The following ANK2 variants were observed in gnomAD, a reference collection of about 807,000 sequenced individuals.
ANK2 encodes ankyrin 2.
A neutral mutation model predicts 360.5 loss-of-function variants in ANK2; 83 were observed. That is an observed-to-expected ratio of 0.23 (90% CI 0.19 to 0.28). The LOEUF (loss-of-function observed/expected upper bound fraction) is 0.28. ANK2 is among the 10% of genes least tolerant of loss of function. The probability of loss-of-function intolerance (pLI) is 1.00; values close to 1 mark genes in which losing one functional copy is unlikely to be tolerated. For missense variants in ANK2, 4,201 were observed against 4,795.7 expected (o/e 0.88, Z 3.66); for synonymous variants, 1,740 against 1,759.5 (o/e 0.99, Z 0.28).
chr4:112,846,536 A>G (rs1251120166), intron 1 of ANK2, among the ~76,000 whole-genome samples: 1 of 151,352 alleles, frequency 6.6e-6, no homozygotes, highest in Non-Finnish European at 1.5e-5. Flanking sequence ...GCCCCATTTT[A>G]TATTCCTAAA....
chr4:113,111,741 A>G (rs1043576480), intron 1 of ANK2, among the ~76,000 whole-genome samples: 1 of 152,358 alleles, frequency 6.6e-6, no homozygotes, highest in East Asian at 1.9e-4. Flanking sequence ...AATATCATTT[A>G]TGAGAAGAAA....
At position 113,356,479 on chromosome 4, in the gene ANK2, T is replaced by C. The variant is rs1463232779; in HGVS notation, c.7861T>C (p.Ser2621Pro). The change falls in exon 38 of 46, where the codon TCT (serine) becomes CCT (proline). Residue 2621 changes from serine to proline, a missense_variant. Physicochemically the swap from Ser to Pro is moderately conservative, Grantham distance 74. This residue lies in a region of ANK2 where 2,642 missense variants were observed against 2,714.5 expected (regional missense o/e 0.97). Coordinates refer to ENST00000357077, the MANE Select transcript of ANK2 (RefSeq NM_001148.6). ...YKKEPKQEES[S>P]SSSDPDADCS... ...AAAAGAACCCAAACAAGAAGAATCT[T>C]CTTCATCTTCTGACCCAGATGCTGA... is the stretch of plus-strand genomic sequence containing the variant. 1 of 1,614,124 alleles carries C rather than the reference T, an allele frequency of 6.2e-7. No homozygotes were observed. Among genetic ancestry groups the C allele is most frequent in the African/African-American group, 1.3e-5 (1 of 75,042 alleles).
intron 1 of ANK2, among the ~76,000 whole-genome samples, chr4:113,111,666 A>G (rs1279607139): frequency 2.0e-5 from 3 of 152,196 alleles, no homozygotes; most frequent in East Asian, 1.9e-4. Flanking sequence ...TTAATAGACT[A>G]TGAGGATTTC....
At chr4:113,155,557 G>C (rs2097255620) in intron 1 of ANK2, among the ~76,000 whole-genome samples, 1 of 151,428 alleles carries the variant, frequency 6.6e-6, no homozygotes, top group Non-Finnish European at 1.5e-5. Flanking sequence ...ATACGTTTTA[G>C]GAAATTAAAA....
intron 7 of ANK2, among the ~76,000 whole-genome samples, chr4:113,239,927 G>A (rs1351476986): frequency 1.3e-5 from 2 of 152,128 alleles, no homozygotes; most frequent in African/African-American, 4.8e-5. Context: ...GTGCTACACA[G>A]TTGTAAAAGG....
chr4:113,166,507 G>A (rs1444280539), intron 1 of ANK2, among the ~76,000 whole-genome samples: 1 of 152,002 alleles, frequency 6.6e-6, no homozygotes, highest in African/African-American at 2.4e-5. Flanking sequence ...CATAGAGAAT[G>A]TGAAGTATGA....
chr4:112,922,036 T>A (rs1173762417), intron 2 of ANK2, among the ~76,000 whole-genome samples: 2 of 152,198 alleles, frequency 1.3e-5, no homozygotes, highest in Non-Finnish European at 2.9e-5. Context: ...ACTGGATAAC[T>A]TCTAAAGTTC....
At chr4:113,291,311 G>C (rs1278201559) in intron 20 of ANK2, among the ~76,000 whole-genome samples, 1 of 152,212 alleles carries the variant, frequency 6.6e-6, no homozygotes, top group Non-Finnish European at 1.5e-5. Context: ...TATCTGATTT[G>C]ACCGCAGAGT....
At chr4:113,295,556 T>G (rs1025480184) in intron 22 of ANK2, among the ~76,000 whole-genome samples, 7 of 152,190 alleles carry the variant, frequency 4.6e-5, no homozygotes, top group African/African-American at 1.7e-4. Context: ...AAAATTCCTT[T>G]TAGAACCCCC....
At chr4:113,230,473 C>G (rs1266767661) in intron 4 of ANK2, among the ~76,000 whole-genome samples, 3 of 151,976 alleles carry the variant, frequency 2.0e-5, no homozygotes, top group Non-Finnish European at 4.4e-5. Flanking sequence ...CAAGATTGCA[C>G]CACTGCACTC....
At chr4:113,250,142 AAATGAG>A (rs2045348105) in intron 10 of ANK2, among the ~76,000 whole-genome samples, 1 of 152,264 alleles carries the variant, frequency 6.6e-6, no homozygotes, top group Admixed American at 6.5e-5. Context: ...TTTTAAATAT[AAATGAG>A]AATATCTCTT....
intron 8 of ANK2, among the ~76,000 whole-genome samples, chr4:113,241,397 G>T (rs949994735): frequency 6.6e-6 from 1 of 152,164 alleles, no homozygotes; most frequent in African/African-American, 2.4e-5. Context: ...GAGTGCAGGG[G>T]CATGATCATG....
intron 36 of ANK2, among the ~76,000 whole-genome samples, 195 bp from the exon 37 acceptor site, chr4:113,350,033 C>T (rs761465395): frequency 6.6e-6 from 1 of 151,998 alleles, no homozygotes; most frequent in African/African-American, 2.4e-5. Flanking sequence ...GTCTAGAAAA[C>T]AGAAGGTTTT....
the ANK2 span, among the ~76,000 whole-genome samples, chr4:112,758,340 C>T: frequency 6.6e-6 from 1 of 152,118 alleles, no homozygotes; most frequent in Non-Finnish European, 1.5e-5. Flanking sequence ...CTTCATAATA[C>T]GCTGCATAAT....
At chr4:113,043,454 A>AAT (rs34297293) in intron 2 of ANK2, among the ~76,000 whole-genome samples, 1 of 151,718 alleles carries the variant, frequency 6.6e-6, no homozygotes, top group Non-Finnish European at 1.5e-5. Flanking sequence ...AAAAAAAAAA[A>AAT]GAGACAGGGT....
At chr4:112,915,910 C>T (rs1038078702) in intron 2 of ANK2, among the ~76,000 whole-genome samples, 1 of 151,906 alleles carries the variant, frequency 6.6e-6, no homozygotes, top group Non-Finnish European at 1.5e-5. Context: ...TATATACTCA[C>T]TATAACATTT....
chr4:113,296,243 A>G (rs781408217), intron 22 of ANK2, among the ~76,000 whole-genome samples: 1 of 152,164 alleles, frequency 6.6e-6, no homozygotes, highest in Non-Finnish European at 1.5e-5. Context: ...AGTGCTCTTT[A>G]TTGATTTTTG....
At chr4:112,736,347 C>T in the ANK2 span, among the ~76,000 whole-genome samples, 3 of 151,808 alleles carry the variant, frequency 2.0e-5, no homozygotes, top group East Asian at 1.9e-4. Context: ...CCTATATAGT[C>T]GCAGCTACTT....
intron 7 of ANK2, among the ~76,000 whole-genome samples, chr4:113,238,035 C>T (rs1276146441): frequency 2.6e-5 from 4 of 151,878 alleles, no homozygotes; most frequent in African/African-American, 9.7e-5. Context: ...TTGCTGTTGC[C>T]CTTTTTTTTT....
Sources: allele counts gnomAD v4.1 joint callset (sites outside exome capture counted in the v4.1 genomes callset), GRCh38; gene constraint gnomAD v4.1.1; regional missense constraint gnomAD v4.1.1; transcripts MANE v1.5; gene names NCBI Gene and HGNC (gene_info 2026-07-23, HGNC 2026-07-21).